ADK: variants seen among roughly 807,000 people sequenced by gnomAD.
ADK encodes the protein adenosine kinase, also known as N6,N6-dimethyladenosine kinase.
In ADK, 24 loss-of-function variants were observed where a neutral mutation model predicts 44.7. The observed-to-expected ratio is 0.54, with a 90% confidence interval of 0.39 to 0.76. The LOEUF is 0.76. Among genes scored for constraint, ADK ranks in the 30% least tolerant of loss-of-function variants. The pLI is 0.00. For missense variants in ADK, 321 were observed against 425.1 expected (o/e 0.76, Z 2.15); for synonymous variants, 128 against 142.6 (o/e 0.90, Z 0.73).
intron 7 of ADK, among the ~76,000 whole-genome samples, chr10:74,569,118 A>C (rs1009072528): frequency 7.9e-5 from 12 of 152,074 alleles, no homozygotes; most frequent in Non-Finnish European, 1.2e-4. Flanking sequence ...ATCATTTTTT[A>C]TGGCTGCATA....
intron 9 of ADK, among the ~76,000 whole-genome samples, chr10:74,618,762 A>G (rs763527483): frequency 7.9e-5 from 12 of 152,096 alleles, no homozygotes; most frequent in African/African-American, 1.7e-4. Context: ...TCTTTTATAT[A>G]TAATATTTTT....
chr10:74,301,694 G>A (rs1010337762), intron 3 of ADK, among the ~76,000 whole-genome samples: 1 of 151,622 alleles, frequency 6.6e-6, no homozygotes, highest in Non-Finnish European at 1.5e-5. Context: ...AATGTCCTTG[G>A]TTTTTTTCTC....
At chr10:74,541,881 G>A (rs993083680) in intron 7 of ADK, among the ~76,000 whole-genome samples, 4 of 140,046 alleles carry the variant, frequency 2.9e-5, no homozygotes, top group South Asian at 4.4e-4. Flanking sequence ...AGTGTGTTTC[G>A]TTACTGGTAA....
intron 9 of ADK, among the ~76,000 whole-genome samples, chr10:74,649,484 G>A (rs1043854120): frequency 6.6e-6 from 1 of 151,956 alleles, no homozygotes; most frequent in Non-Finnish European, 1.5e-5. Context: ...AATTAGCCAG[G>A]TATGATGGCA....
At chr10:74,304,851 T>C (rs1369525528) in intron 3 of ADK, among the ~76,000 whole-genome samples, 1 of 152,176 alleles carries the variant, frequency 6.6e-6, no homozygotes, top group Non-Finnish European at 1.5e-5. Flanking sequence ...TGCTTAAATA[T>C]CGTGGAACAC....
chr10:74,659,755 G>A (rs552504055), intron 9 of ADK, among the ~76,000 whole-genome samples: 4 of 152,262 alleles, frequency 2.6e-5, no homozygotes, highest in East Asian at 1.9e-4. Context: ...AGCATCCAGC[G>A]CAGGAGAAAG....
intron 6 of ADK, among the ~76,000 whole-genome samples, chr10:74,458,702 C>G (rs1387944427): frequency 6.6e-6 from 1 of 152,080 alleles, no homozygotes; most frequent in Admixed American, 6.5e-5. Context: ...TCAGCTTTCA[C>G]TTTTCACAGC....
intron 3 of ADK, among the ~76,000 whole-genome samples, chr10:74,303,597 T>TTTTTTTTG (rs1840148710): frequency 7.5e-6 from 1 of 132,740 alleles, no homozygotes; most frequent in East Asian, 2.3e-4. Flanking sequence ...TGTTTTTTTT[T>TTTTTTTTG]TTTTTTTTTT....
intron 4 of ADK, chr10:74,372,231 G>T (rs529212690): frequency 2.6e-6 from 2 of 761,360 alleles, no homozygotes; most frequent in East Asian, 2.4e-5. Flanking sequence ...GACTGCTCCA[G>T]CTCCTGAGTT....
In ADK at chr10:74,322,724, C is replaced by G. The variant is rs1275219487; in HGVS notation, c.273+7979C>G. 2.0e-5 allele frequency among the ~76,000 whole-genome samples: 3 copies of G among 150,910 alleles called. No homozygotes were observed. The East Asian group carries it at 5.8e-4, about 29-fold the overall frequency. ...TTCTCCCTCTCTCCTTTCCTTGTCT[C>G]TCTCCTTTCCTTTCTCTCTCTTCTT... On this transcript the variant is annotated intron_variant, in intron 4 of 10. Coordinates refer to ENST00000539909, the MANE Select transcript of ADK (RefSeq NM_006721.4).
intron 6 of ADK, among the ~76,000 whole-genome samples, chr10:74,426,064 A>G (rs1844785507): frequency 6.6e-6 from 1 of 152,166 alleles, no homozygotes; most frequent in African/African-American, 2.4e-5. Flanking sequence ...AAACACCCAT[A>G]ATCCTATCAT....
intron 3 of ADK, among the ~76,000 whole-genome samples, chr10:74,287,839 G>A (rs2132467893): frequency 6.6e-6 from 1 of 151,752 alleles, no homozygotes; most frequent in African/African-American, 2.4e-5. Context: ...AAAATTAGCT[G>A]GGCATGGTGG....
chr10:74,271,051 A>T (rs962168106), intron 3 of ADK, among the ~76,000 whole-genome samples: 4 of 152,206 alleles, frequency 2.6e-5, no homozygotes, highest in Admixed American at 6.5e-5. Context: ...GTAGTCTTCT[A>T]TTTGGCAGGA....
intron 7 of ADK, among the ~76,000 whole-genome samples, chr10:74,541,275 A>G (rs1352321664): frequency 6.6e-6 from 1 of 152,164 alleles, no homozygotes; most frequent in Non-Finnish European, 1.5e-5. Flanking sequence ...TTGGCCTCGC[A>G]AAGTGCTGGG....
intron 6 of ADK, among the ~76,000 whole-genome samples, chr10:74,452,862 A>G (rs1845821713): frequency 6.6e-6 from 1 of 152,032 alleles, no homozygotes; most frequent in South Asian, 2.1e-4. Flanking sequence ...TAATCTCTGA[A>G]ATTTTCAACA....
intron 6 of ADK, among the ~76,000 whole-genome samples, chr10:74,507,094 G>A (rs891782711): frequency 4.6e-5 from 7 of 152,052 alleles, no homozygotes; most frequent in Admixed American, 1.3e-4. Flanking sequence ...AAATTCTGAA[G>A]CTAGTACTTA....
intron 7 of ADK, among the ~76,000 whole-genome samples, chr10:74,572,660 C>T (rs1051231146): frequency 6.6e-6 from 1 of 152,186 alleles, no homozygotes; most frequent in African/African-American, 2.4e-5. Context: ...TAGATTTGGT[C>T]TTTTCACTTA....
Position 74,187,278 on chromosome 10 carries a change from A to C in ADK, c.66-13486A>C, listed in dbSNP as rs372667416. On this transcript the variant is annotated intron_variant, in intron 1 of 10. Transcript: ENST00000539909. ...CACTGAATAATATTTCATTGTATAG[A>C]TATGCCACAATTTATCCATTTATCA... Among the ~76,000 whole-genome samples, 5 of 152,304 alleles carry C rather than the reference A, an allele frequency of 3.3e-5. No individual in the cohort carries two copies. The South Asian group carries it at 6.2e-4, about 19-fold the overall frequency.
At chr10:74,277,812 T>C (rs1418127619) in intron 3 of ADK, among the ~76,000 whole-genome samples, 1 of 152,176 alleles carries the variant, frequency 6.6e-6, no homozygotes, top group Non-Finnish European at 1.5e-5. Context: ...AGAGAATAAG[T>C]TCCATGTGAT....
Sources: allele counts gnomAD v4.1 joint callset (sites outside exome capture counted in the v4.1 genomes callset), GRCh38; gene constraint gnomAD v4.1.1; transcripts MANE v1.5; gene names NCBI Gene and HGNC (gene_info 2026-07-23, HGNC 2026-07-21).